TFCP2L1: variants seen among roughly 807,000 people sequenced by gnomAD.
TFCP2L1 encodes transcription factor CP2-like protein 1.
Under a neutral mutation model 72.2 loss-of-function variants are expected in TFCP2L1, and 12 were observed. That is an observed-to-expected ratio of 0.17 (90% CI 0.11 to 0.27). TFCP2L1 has a LOEUF of 0.27. TFCP2L1 is among the 10% of genes least tolerant of loss of function. The pLI, the probability that TFCP2L1 is intolerant of heterozygous loss-of-function variation, is 1.00. For synonymous variants in TFCP2L1, 260 were observed against 251.0 expected, an observed-to-expected ratio of 1.04 and a Z score of -0.34; for missense variants, 488 against 624.6, an observed-to-expected ratio of 0.78 and a Z score of 2.33.
chr2:121,227,753 T>A (rs966610562), intron 13 of TFCP2L1, among the ~76,000 whole-genome samples: 1 of 84,388 alleles, frequency 1.2e-5, no homozygotes, highest in Non-Finnish European at 2.7e-5. Flanking sequence ...ACACACACAC[T>A]AGCTAACACA....
chr2:121,248,294 G>T (rs1242460640), intron 4 of TFCP2L1, 24 bp from the exon 5 acceptor site: 1 of 1,564,682 alleles, frequency 6.4e-7, no homozygotes, highest in African/African-American at 1.4e-5. Flanking sequence ...CACACATACA[G>T]AAAGTGCAAT....
Position 121,281,200 on chromosome 2 carries a change from G to T in TFCP2L1, c.134C>A (p.Pro45Gln), listed in dbSNP as rs1391301751. The part of the protein sequence containing the change: ...QLSPENEARL[P>Q]PLQYVLCAAT... ...AGCACACAACACATATTGCAGGGGTGGCAGGCGGGCCTCGTTCTCGGGGGA... is the reference window on the plus strand; with the variant it reads ...AGCACACAACACATATTGCAGGGGTTGCAGGCGGGCCTCGTTCTCGGGGGA... Residue 45 changes from proline to glutamine, a missense_variant, in exon 2 of 15, where the codon CCA (proline) becomes CAA (glutamine). Transcript: ENST00000263707. 2 of 1,613,348 alleles carry T rather than the reference G, an allele frequency of 1.2e-6. No individual in the cohort carries two copies. Among genetic ancestry groups the T allele is most frequent in the African/African-American group, 1.3e-5 (1 of 74,820 alleles).
intron 2 of TFCP2L1, among the ~76,000 whole-genome samples, chr2:121,273,099 A>G (rs1361115090): frequency 6.6e-6 from 1 of 152,168 alleles, no homozygotes; most frequent in Non-Finnish European, 1.5e-5. Flanking sequence ...TCCAACCAAT[A>G]GGAAATTTTA....
intron 2 of TFCP2L1, among the ~76,000 whole-genome samples, chr2:121,256,500 G>A (rs750846649): frequency 8.5e-5 from 13 of 152,080 alleles, no homozygotes; most frequent in East Asian, 3.9e-4. Context: ...TGGGCAGGCC[G>A]GGCACAGTGG....
At chr2:121,284,489 C>T (rs191398066) in intron 1 of TFCP2L1, among the ~76,000 whole-genome samples, 85 of 152,352 alleles carry the variant, frequency 5.6e-4, no homozygotes, top group Non-Finnish European at 9.1e-4. Flanking sequence ...GGGCAATAAC[C>T]ACGCGGGCCT....
rs1553435191 is a variant in TFCP2L1, at chr2:121,269,918, A to ATATAT, written c.214+11201_214+11202insATATA. On this transcript the variant is annotated intron_variant, in intron 2 of 14. Transcript: ENST00000263707. ...AGCAAGACTCCATCTAAAAAAAAAA[A>ATATAT]ATATATATATATATATATGCAAAAG... Among the ~76,000 whole-genome samples, 6 of 115,182 alleles carry ATATAT rather than the reference A, an allele frequency of 5.2e-5. 1 individual carries two copies. The highest frequency in any genetic ancestry group is 2.2e-4 in the African/African-American group (6 of 26,880). 75.6% of individuals were successfully genotyped at this position (115,182 alleles called of 152,430 possible). A position where few individuals can be genotyped will look rare whatever the true frequency, so the allele number is the denominator to read the frequency against.
rs531337877 is a variant in TFCP2L1 at position 121,217,341 on chromosome 2, C to T, written c.*7000G>A. 6.6e-6 allele frequency: 1 copy of T among 152,312 alleles called. No homozygotes were observed. Among genetic ancestry groups the T allele is most frequent in the Non-Finnish European group, 1.5e-5 (1 of 68,084 alleles). The allele number at this position is 152,312 out of a possible 1,614,324, so 9.4% of individuals were successfully genotyped here. ...CTCACGAAGAAAGGAACTGCAGTGG[C>T]TGCTGTCTGCCCCTGGAGTGAAGAC... On this transcript the variant is annotated 3_prime_UTR_variant, in exon 15 of 15. Transcript: ENST00000263707.
In TFCP2L1 at chr2:121,242,458, G is replaced by T; in HGVS notation, c.669C>A (p.Ala223=). Reference sequence around the variant, plus strand: ...CCCGGTCAGTCTTCTGTTTCCGATCGGCTCCCTTCGGCTGCGAGCAGAGTA... The same window carrying T: ...CCCGGTCAGTCTTCTGTTTCCGATCTGCTCCCTTCGGCTGCGAGCAGAGTA... The part of the protein sequence containing the change: ...CQIKVFKPKG[A]DRKQKTDREK... The change falls in exon 7 of 15, where the codon GCC becomes GCA. Residue 223 remains alanine, a synonymous_variant. Transcript: ENST00000263707. 1 of 1,613,880 alleles carries T rather than the reference G, an allele frequency of 6.2e-7. No individual in the cohort carries two copies.
chr2:121,234,317 G>A (rs1573361584), intron 11 of TFCP2L1, 123 bp from the exon 12 acceptor site: 5 of 880,946 alleles, frequency 5.7e-6, no homozygotes, highest in Admixed American at 4.3e-5. Flanking sequence ...CGGTGGTGAC[G>A]TGGAGTGCCT....
At chr2:121,272,101 AAAGAAAGG>A (rs1246014940) in intron 2 of TFCP2L1, among the ~76,000 whole-genome samples, 2 of 152,158 alleles carry the variant, frequency 1.3e-5, no homozygotes, top group Non-Finnish European at 2.9e-5. Flanking sequence ...GCAGCCAGAG[AAAGAAAGG>A]GTGCTTCCCC....
Position 121,219,224 on chromosome 2 carries a change from A to T in TFCP2L1, c.*5117T>A, listed in dbSNP as rs1391832872. The T allele has an allele frequency of 1.3e-5, 2 of 152,302 alleles. No individual in the cohort carries two copies. Among genetic ancestry groups the T allele is most frequent in the South Asian group, 2.1e-4 (1 of 4,830 alleles). The allele number at this position is 152,302 out of a possible 1,614,324, so 9.4% of individuals were successfully genotyped here. ...GGAGGTCACACAAGATCAAAAGAGG[A>T]TCATCGAGCTACCGAGGGAGCCTGT... On this transcript the variant is annotated 3_prime_UTR_variant, in exon 15 of 15. Transcript: ENST00000263707.
In TFCP2L1 at chr2:121,238,978, C is replaced by T. The variant is rs372618694; in HGVS notation, c.860+580G>A. ...CTCCACCCCTGCTGCCAGCACAGGG[C>T]ATGCAGAGCCATCACGGTGACCCAT... On this transcript the variant is annotated intron_variant, in intron 8 of 14. Coordinates refer to ENST00000263707, the MANE Select transcript of TFCP2L1 (RefSeq NM_014553.3). Among the ~76,000 whole-genome samples, 10 of 152,256 alleles carry T rather than the reference C, an allele frequency of 6.6e-5. No individual in the cohort carries two copies. In the East Asian group the frequency reaches 1.2e-3, roughly 18 times the overall value.
chr2:121,243,009 C>T (rs1686410146), intron 6 of TFCP2L1, among the ~76,000 whole-genome samples: 1 of 152,340 alleles, frequency 6.6e-6, no homozygotes, highest in East Asian at 1.9e-4. Context: ...GGCTTCACAG[C>T]TATTATTATT....
At chr2:121,261,587 T>C (rs1387506984) in intron 2 of TFCP2L1, among the ~76,000 whole-genome samples, 1 of 152,174 alleles carries the variant, frequency 6.6e-6, no homozygotes, top group Non-Finnish European at 1.5e-5. Flanking sequence ...AATAAGTTAA[T>C]GGTAGAGAAG....
chr2:121,285,165 G>C lies in TFCP2L1; in HGVS notation c.-56C>G, dbSNP rs564257969. 6.5e-6 allele frequency: 9 copies of C among 1,394,590 alleles called. No individual in the cohort carries two copies. Among genetic ancestry groups the C allele is most frequent in the Non-Finnish European group, 8.4e-6 (9 of 1,068,436 alleles). The allele number at this position is 1,394,590 out of a possible 1,614,324, so 86.4% of individuals were successfully genotyped here. On this transcript the variant is annotated 5_prime_UTR_variant, in exon 1 of 15. Transcript: ENST00000263707. Reference sequence around the variant, plus strand: ...GCGGCAGCAAGCGCAGACGCGGGGCGCGCCGAGGACCCAGCGGCGGCTTCG... The same window carrying C: ...GCGGCAGCAAGCGCAGACGCGGGGCCCGCCGAGGACCCAGCGGCGGCTTCG...
intron 10 of TFCP2L1, 119 bp downstream of exon 10, chr2:121,237,504 C>T (rs980309040): frequency 2.5e-5 from 29 of 1,177,386 alleles, no homozygotes; most frequent in South Asian, 2.2e-4. Flanking sequence ...CACACTATCT[C>T]GGGTCTCCCA....
At chr2:121,246,155 C>T (rs1686476533) in intron 6 of TFCP2L1, among the ~76,000 whole-genome samples, 1 of 152,196 alleles carries the variant, frequency 6.6e-6, no homozygotes, top group South Asian at 2.1e-4. Flanking sequence ...CCCTCATGCC[C>T]TGAGAATGAT....
At chr2:121,256,353 C>T (rs750118376) in intron 2 of TFCP2L1, among the ~76,000 whole-genome samples, 9 of 152,184 alleles carry the variant, frequency 5.9e-5, no homozygotes, top group Admixed American at 1.3e-4. Flanking sequence ...GGAGCCCAGA[C>T]GAGACTTTTA....
intron 2 of TFCP2L1, among the ~76,000 whole-genome samples, chr2:121,266,702 C>A (rs1354262492): frequency 2.0e-4 from 30 of 152,126 alleles, no homozygotes; most frequent in Admixed American, 2.0e-3. Context: ...TCTATCACAT[C>A]CCCAGTGAAA....
Sources: gnomAD v4.1 joint callset for allele counts (sites outside exome capture counted in the v4.1 genomes callset) on GRCh38, gnomAD v4.1.1 for gene constraint, MANE v1.5 for transcripts, NCBI Gene and HGNC (gene_info 2026-07-23, HGNC 2026-07-21) for gene names.